The following WDR19 variants were observed in gnomAD, a reference collection of about 807,000 sequenced individuals.
WDR19 encodes WD repeat domain 19.
WDR19 carries 121 observed loss-of-function variants against 180.0 expected under a neutral mutation model. The observed-to-expected ratio is 0.67, with a 90% CI of 0.58 to 0.78. The LOEUF is 0.78. Among genes scored for constraint, WDR19 ranks in the 30% least tolerant of loss-of-function variants. The pLI, the probability that WDR19 is intolerant of heterozygous loss-of-function variation, is 0.00. For missense variants in WDR19, 1,450 were observed against 1,640.7 expected, an observed-to-expected ratio of 0.88 and a Z score of 2.01; for synonymous variants, 497 against 540.7, an observed-to-expected ratio of 0.92 and a Z score of 1.12.
rs1366339427 is a variant in WDR19 at position 39,185,893 on chromosome 4, T to G, written c.98+76T>G. The G allele has an allele frequency of 1.5e-5, 18 of 1,193,292 alleles. 1 individual carries two copies. Among genetic ancestry groups the G allele is most frequent in the South Asian group, 3.3e-5 (2 of 60,720 alleles). The allele number at this position is 1,193,292 out of a possible 1,614,324, so 73.9% of individuals were successfully genotyped here. On this transcript the variant is annotated intron_variant, in intron 2 of 36. Transcript: ENST00000399820. ...CACCATCTACTCAGTAGAAGTTTTTTTTGTTGTTGTTTTTTTTTTTTAAAT... is the reference window on the plus strand; with the variant it reads ...CACCATCTACTCAGTAGAAGTTTTTGTTGTTGTTGTTTTTTTTTTTTAAAT...
At chr4:39,183,545 G>T (rs1403879323) in intron 1 of WDR19, among the ~76,000 whole-genome samples, 1 of 151,984 alleles carries the variant, frequency 6.6e-6, no homozygotes, top group Non-Finnish European at 1.5e-5. Context: ...CACCGCGCCC[G>T]GCTGGAAGGC....
intron 9 of WDR19, among the ~76,000 whole-genome samples, chr4:39,211,929 CAGAGAGAGAGAGAG>C (rs60128786): frequency 0.21 from 28,101 of 135,150 alleles, 2,810 homozygotes; most frequent in Middle Eastern, 0.24. Context: ...TATAGACAGA[CAGAGAGAGAGAGAG>C]AGAGAGAGAG....
intron 32 of WDR19, 102 bp from the exon 33 acceptor site, chr4:39,274,706 G>A: frequency 2.9e-6 from 4 of 1,394,758 alleles, no homozygotes; most frequent in Non-Finnish European, 3.9e-6. Flanking sequence ...AAAGTTCAGA[G>A]ACCATGACCC....
chr4:39,281,236 T>TATATATATGGAGAGAGAGAGAG (rs762298152), intron 36 of WDR19, among the ~76,000 whole-genome samples: 1 of 104,040 alleles, frequency 9.6e-6, no homozygotes, highest in Non-Finnish European at 1.8e-5. Flanking sequence ...TATATATATA[T>TATATATATGGAGAGAGAGAGAG]AGAGAGAGAG....
At chr4:39,205,876 A>G (rs1463944299) in intron 9 of WDR19, 140 bp downstream of exon 9, 8 of 777,728 alleles carry the variant, frequency 1.0e-5, no homozygotes, top group Non-Finnish European at 1.4e-5. Flanking sequence ...CCTGATTTTA[A>G]TATTCAGGGC....
At chr4:39,284,170 G>A (rs968576279) in intron 36 of WDR19, among the ~76,000 whole-genome samples, 155 of 40,176 alleles carry the variant, frequency 3.9e-3, no homozygotes, top group Admixed American at 0.019. Flanking sequence ...ATCCCTTTCT[G>A]TCTTCTCATT....
At chr4:39,198,277 G>A (rs114680827) in intron 5 of WDR19, among the ~76,000 whole-genome samples, 17 of 152,124 alleles carry the variant, frequency 1.1e-4, no homozygotes, top group African/African-American at 3.6e-4. Flanking sequence ...AGACATTAAC[G>A]GCCGGGAGTG....
At chr4:39,205,298 G>C (rs1199046114) in intron 8 of WDR19, 32 bp downstream of exon 8, 3 of 1,517,550 alleles carry the variant, frequency 2.0e-6, no homozygotes, top group Non-Finnish European at 2.7e-6. Context: ...TGTACAAAAA[G>C]CTCATTACAG....
chr4:39,265,116 G>A (rs980821345), intron 28 of WDR19, among the ~76,000 whole-genome samples: 3 of 151,490 alleles, frequency 2.0e-5, no homozygotes, highest in Admixed American at 6.6e-5. Context: ...ATAGGATCTC[G>A]TCATGTTGGC....
At chr4:39,251,865 C>T (rs375649394) in intron 24 of WDR19, among the ~76,000 whole-genome samples, 1 of 152,124 alleles carries the variant, frequency 6.6e-6, no homozygotes, top group African/African-American at 2.4e-5. Context: ...ACAACAGGTG[C>T]TGGAGACGAT....
intron 33 of WDR19, chr4:39,275,391 A>G (rs1471950822): frequency 8.2e-6 from 2 of 243,524 alleles, no homozygotes; most frequent in Non-Finnish European, 1.6e-5. Flanking sequence ...ATTTAGCTCT[A>G]AGCATCAGAA....
intron 4 of WDR19, among the ~76,000 whole-genome samples, chr4:39,194,200 A>G (rs1326929291): frequency 6.6e-6 from 1 of 152,200 alleles, no homozygotes; most frequent in Non-Finnish European, 1.5e-5. Flanking sequence ...ATGAGGTTTC[A>G]CCATCCATTA....
chr4:39,236,788 G>T (rs1731429191), intron 20 of WDR19, among the ~76,000 whole-genome samples: 1 of 152,094 alleles, frequency 6.6e-6, no homozygotes, highest in Admixed American at 6.6e-5. Flanking sequence ...CTTGCCTTTG[G>T]AAATTCCATA....
intron 28 of WDR19, among the ~76,000 whole-genome samples, chr4:39,262,682 C>T (rs182465777): frequency 9.9e-4 from 151 of 152,254 alleles, no homozygotes; most frequent in African/African-American, 3.4e-3. Context: ...AAACTGTCCT[C>T]GGGATGAAAT....
chr4:39,222,941 A>T (rs1729848042), intron 14 of WDR19, among the ~76,000 whole-genome samples: 1 of 152,220 alleles, frequency 6.6e-6, no homozygotes, highest in Non-Finnish European at 1.5e-5. Context: ...TGCCATTTCA[A>T]TAATGTGTAA....
At chr4:39,230,737 C>G (rs1253058089) in intron 17 of WDR19, among the ~76,000 whole-genome samples, 1 of 152,030 alleles carries the variant, frequency 6.6e-6, no homozygotes, top group Non-Finnish European at 1.5e-5. Context: ...TGTTTCCAAG[C>G]ATGTAACGAG....
chr4:39,219,712 A>G (rs1164486522), intron 14 of WDR19, among the ~76,000 whole-genome samples: 1 of 152,220 alleles, frequency 6.6e-6, no homozygotes, highest in East Asian at 1.9e-4. Flanking sequence ...ATTAAAATTA[A>G]TTGAATATTA....
Position 39,228,640 on chromosome 4 carries a change from G to C in WDR19, c.1932G>C (p.Thr644=). The change falls in exon 17 of 37, where the codon ACG becomes ACC. Residue 644 remains threonine, a synonymous_variant. Transcript: ENST00000399820. Reference sequence around the variant, plus strand: ...GCTTTCTCAGCAACTTAAAAGATACGGGGCCTGACGAACTGAGACCAATGC... The same window carrying C: ...GCTTTCTCAGCAACTTAAAAGATACCGGGCCTGACGAACTGAGACCAATGC... The part of the protein sequence containing the change: ...THGFLSNLKD[T]GPDELRPMLA... 1 of 1,611,688 alleles carries C rather than the reference G, an allele frequency of 6.2e-7. No individual in the cohort carries two copies. Among genetic ancestry groups the C allele is most frequent in the Non-Finnish European group, 8.5e-7 (1 of 1,178,878 alleles).
chr4:39,198,220 G>A (rs1726973429), intron 5 of WDR19, among the ~76,000 whole-genome samples: 1 of 151,926 alleles, frequency 6.6e-6, no homozygotes. Flanking sequence ...CCATGAAGCT[G>A]AATATAAGTA....
Sources: allele counts gnomAD v4.1 joint callset (sites outside exome capture counted in the v4.1 genomes callset), GRCh38; gene constraint gnomAD v4.1.1; transcripts MANE v1.5; gene names NCBI Gene and HGNC (gene_info 2026-07-23, HGNC 2026-07-21).